MYG1: variants seen among roughly 807,000 people sequenced by gnomAD.
MYG1 encodes the protein UPF0160 protein MYG1, mitochondrial.
In MYG1, 36 loss-of-function variants were observed where a neutral mutation model predicts 43.5. The ratio of observed to expected loss-of-function variants is 0.83; its 90% CI spans 0.63 to 1.09. The LOEUF (loss-of-function observed/expected upper bound fraction) is 1.09. Among genes scored for constraint, MYG1 ranks in the 50% least tolerant of loss-of-function variants. MYG1 has a pLI of 0.00. For synonymous variants in MYG1, 220 were observed against 202.8 expected (o/e 1.08, Z -0.72); for missense variants, 529 against 495.1 (o/e 1.07, Z -0.65).
rs756479176 is a variant in MYG1 at position 53,300,279 on chromosome 12, CATTT to C, written c.329+23_329+26del. Reference sequence around the variant, plus strand: ...TCACCAGAGGTAGGTTCTCAGATACCATTTATTTAACTTCCTTGACCTCAGCTTT... The same window carrying C: ...TCACCAGAGGTAGGTTCTCAGATACCATTTAACTTCCTTGACCTCAGCTTT... On this transcript the variant is annotated intron_variant, in intron 2 of 6. Coordinates refer to ENST00000267103, the MANE Select transcript of MYG1 (RefSeq NM_021640.4). 2 of 1,522,086 alleles carry C rather than the reference CATTT, an allele frequency of 1.3e-6. No homozygotes were observed. The highest frequency in any genetic ancestry group is 1.4e-5 in the African/African-American group (1 of 72,068). 94.3% of individuals were successfully genotyped at this position (1,522,086 alleles called of 1,614,324 possible).
At chr12:53,300,348 C>CTT in intron 2 of MYG1, 86 bp downstream of exon 2, 1 of 1,024,544 alleles carries the variant, frequency 9.8e-7, no homozygotes, top group East Asian at 2.7e-5. Context: ...CCGTAGTCCG[C>CTT]GTCAGCGAAA....
At chr12:53,305,754 C>A in intron 3 of MYG1, 154 bp from the exon 4 acceptor site, 1 of 886,638 alleles carries the variant, frequency 1.1e-6, no homozygotes, top group Non-Finnish European at 1.6e-6. Flanking sequence ...CTTCAGCGAG[C>A]TGCTGAACTT....
At chr12:53,300,340 G>A (rs1944218413) in intron 2 of MYG1, 78 bp downstream of exon 2, 4 of 1,086,258 alleles carry the variant, frequency 3.7e-6, no homozygotes, top group Non-Finnish European at 5.2e-6. Context: ...ATCCACTGCC[G>A]TAGTCCGCGT....
Position 53,299,704 on chromosome 12 carries a change from G to T in MYG1, c.-34G>T, listed in dbSNP as rs1396617881. On this transcript the variant is annotated 5_prime_UTR_variant, in exon 1 of 7. Coordinates refer to ENST00000267103, the MANE Select transcript of MYG1 (RefSeq NM_021640.4). ...GCTGCGCTGGCGCTTCCTCTTCCGG[G>T]TCGGCGCTCCTGCCTCCCTGCAGGG... 3.2e-6 allele frequency: 5 copies of T among 1,571,220 alleles called. No homozygotes were observed. The highest frequency in any genetic ancestry group is 2.0e-4 in the Middle Eastern group (1 of 4,908).
chr12:53,306,561 CT>C, intron 5 of MYG1, 118 bp from the exon 6 acceptor site: 1 of 1,210,692 alleles, frequency 8.3e-7, no homozygotes, highest in Middle Eastern at 2.8e-4. Context: ...CTAGGCTAGT[CT>C]CAAATTCCTG....
chr12:53,306,887 A>G (rs779838328), intron 6 of MYG1, 26 bp downstream of exon 6: 1 of 1,609,286 alleles, frequency 6.2e-7, no homozygotes, highest in Non-Finnish European at 8.5e-7. Context: ...ACCACTCTGC[A>G]GACCTTCAGG....
chr12:53,306,613 T>G, intron 5 of MYG1, 67 bp from the exon 6 acceptor site: 1 of 1,515,060 alleles, frequency 6.6e-7, no homozygotes, highest in Non-Finnish European at 9.0e-7. Flanking sequence ...CAAAATGTTG[T>G]GACTACAAAC....
chr12:53,303,195 T>TG lies in MYG1; in HGVS notation c.489+6dup, dbSNP rs1298277402. 1 of 1,613,242 alleles carries TG rather than the reference T, an allele frequency of 6.2e-7. No individual in the cohort carries two copies. Among genetic ancestry groups the TG allele is most frequent in the Non-Finnish European group, 8.5e-7 (1 of 1,179,544 alleles). ...ATGGTGGGCACCCTCTATGACAAGG[T>TG]GGGGACCTGAGGACAGAGATGCCCC... On this transcript the variant is annotated splice_region_variant and intron_variant, in intron 3 of 6. Coordinates refer to ENST00000267103, the MANE Select transcript of MYG1 (RefSeq NM_021640.4).
chr12:53,306,641 C>T (rs1449251412), intron 5 of MYG1, 39 bp from the exon 6 acceptor site: 1 of 1,580,752 alleles, frequency 6.3e-7, no homozygotes, highest in Non-Finnish European at 8.6e-7. Context: ...CCATGCCCAG[C>T]CTACCTTAAA....
chr12:53,307,166 A>T lies in MYG1; in HGVS notation c.*17A>T. On this transcript the variant is annotated 3_prime_UTR_variant, in exon 7 of 7. Coordinates refer to ENST00000267103, the MANE Select transcript of MYG1 (RefSeq NM_021640.4). ...ATCTCCTAGTCTAATAAAACCTTCC[A>T]TCTCATACTGACCCAGTCCTTGACT... 2 of 1,592,554 alleles carry T rather than the reference A, an allele frequency of 1.3e-6. No homozygotes were observed. Among genetic ancestry groups the T allele is most frequent in the Non-Finnish European group, 1.7e-6 (2 of 1,169,072 alleles).
Position 53,305,902 on chromosome 12 carries a change from C to T in MYG1, c.490-6C>T. On this transcript the variant is annotated splice_region_variant and splice_polypyrimidine_tract_variant and intron_variant, in intron 3 of 6. Coordinates refer to ENST00000267103, the MANE Select transcript of MYG1 (RefSeq NM_021640.4). ...CTCAAGAAGGTTTCCCCTGCTGCTG[C>T]CTTAGATGTATGAGAACTTTGTGGA... is the stretch of plus-strand genomic sequence containing the variant. 2 of 1,592,956 alleles carry T rather than the reference C, an allele frequency of 1.3e-6. No individual in the cohort carries two copies. The highest frequency in any genetic ancestry group is 1.7e-6 in the Non-Finnish European group (2 of 1,171,294).
rs777582077 is a variant in MYG1, at chr12:53,299,818, T to G, written c.81T>G (p.Gly27=). The change falls in exon 1 of 7, where the codon GGT becomes GGG. Residue 27 remains glycine (G), a synonymous_variant. Transcript: ENST00000267103. Reference sequence around the variant, plus strand: ...TGTATACCCGGCACCGCATGCTCGGTCCAGAGTCCGTCCCGCCCCCAAAAC... The same window carrying G: ...TGTATACCCGGCACCGCATGCTCGGGCCAGAGTCCGTCCCGCCCCCAAAAC... ...PPLYTRHRML[G]PESVPPPKRS... 5.0e-6 allele frequency: 8 copies of G among 1,613,928 alleles called. No individual in the cohort carries two copies. In the African/African-American group the frequency reaches 1.1e-4, roughly 22 times the overall value.
intron 2 of MYG1, among the ~76,000 whole-genome samples, chr12:53,302,512 C>T (rs982097220): frequency 5.9e-5 from 9 of 152,196 alleles, no homozygotes; most frequent in African/African-American, 2.2e-4. Context: ...TGGTGCAATG[C>T]TGTAACATGC....
At position 53,306,251 on chromosome 12, in the gene MYG1, A is replaced by G. The variant is rs1944278417; in HGVS notation, c.696A>G (p.Leu232=). Residue 232 remains leucine (L), a synonymous_variant, in exon 5 of 7, where the codon TTA becomes TTG. Coordinates refer to ENST00000267103, the MANE Select transcript of MYG1 (RefSeq NM_021640.4). ...TTCAAGAGGAGTTTCTGCAGAGATTAGATTTCTACCAACACAGCTGGCTGC... is the reference window on the plus strand; with the variant it reads ...TTCAAGAGGAGTTTCTGCAGAGATTGGATTTCTACCAACACAGCTGGCTGC... ...DLVQEEFLQR[L]DFYQHSWLPA... 1 of 1,614,124 alleles carries G rather than the reference A, an allele frequency of 6.2e-7. No homozygotes were observed. Among genetic ancestry groups the G allele is most frequent in the Non-Finnish European group, 8.5e-7 (1 of 1,180,048 alleles).
chr12:53,301,481 T>G (rs1016821745), intron 2 of MYG1, among the ~76,000 whole-genome samples: 2 of 152,118 alleles, frequency 1.3e-5, no homozygotes, highest in Admixed American at 1.3e-4. Flanking sequence ...CAGCCTAAGC[T>G]CTCACCCTTG....
At chr12:53,301,652 A>G (rs887610344) in intron 2 of MYG1, among the ~76,000 whole-genome samples, 1 of 152,130 alleles carries the variant, frequency 6.6e-6, no homozygotes, top group Non-Finnish European at 1.5e-5. Flanking sequence ...AAGGGTCTCA[A>G]CTGATCTCTT....
Position 53,303,138 on chromosome 12 carries a change from C to G in MYG1, c.434C>G (p.Ala145Gly), listed in dbSNP as rs752489855. 1 of 1,614,192 alleles carries G rather than the reference C, an allele frequency of 6.2e-7. No individual in the cohort carries two copies. Among genetic ancestry groups the G allele is most frequent in the Non-Finnish European group, 8.5e-7 (1 of 1,180,034 alleles). ...IYLHFGHKLL[A>G]QLLGTSEEDS... is the part of the protein sequence containing the mutation. ...CTGCACTTCGGGCACAAGCTGCTGG[C>G]CCAGTTGCTGGGCACTAGTGAAGAG... The change falls in exon 3 of 7, where the codon GCC becomes GGC. Residue 145 changes from alanine to glycine, a missense_variant. Transcript: ENST00000267103.
In MYG1 at chr12:53,305,013, C is replaced by T. The variant is rs1344775545; in HGVS notation, c.490-895C>T. Among the ~76,000 whole-genome samples, 8 of 150,952 alleles carry T rather than the reference C, an allele frequency of 5.3e-5. No homozygotes were observed. The South Asian group carries it at 6.3e-4, about 12-fold the overall frequency. On this transcript the variant is annotated intron_variant, in intron 3 of 6. Transcript: ENST00000267103. ...CCTCCCAAGTAGCTGGGACTACAGG[C>T]GCCCGCCACTACGCCCGGCTAATTT...
rs711316 is a variant in MYG1 at position 53,307,076 on chromosome 12, A to G, written c.1058A>G (p.His353Arg). ...VHASGFTGGH[H>R]TREGALSMAR... ...GCAAGCGGCTTCACTGGCGGTCACCACACCCGAGAGGGTGCCTTGAGCATG... is the reference window on the plus strand; with the variant it reads ...GCAAGCGGCTTCACTGGCGGTCACCGCACCCGAGAGGGTGCCTTGAGCATG... The change falls in exon 7 of 7, where the codon CAC becomes CGC. Residue 353 changes from histidine (H) to arginine (R), a missense_variant. Transcript: ENST00000267103. 0.99 allele frequency: 1,598,529 copies of G among 1,614,190 alleles called. 792,734 individuals are homozygous for G. The highest frequency in any genetic ancestry group is 1 in the East Asian group (44,872 of 44,872).
Sources: gnomAD v4.1 joint callset for allele counts (sites outside exome capture counted in the v4.1 genomes callset) on GRCh38, gnomAD v4.1.1 for gene constraint, MANE v1.5 for transcripts, NCBI Gene and HGNC (gene_info 2026-07-23, HGNC 2026-07-21) for gene names.